Variants in TAF1B observed in about 807,000 individuals in gnomAD.
The protein encoded by TAF1B is TATA-box binding protein associated factor, RNA polymerase I subunit B.
In TAF1B, 61 loss-of-function variants were observed where a neutral mutation model predicts 83.9. That is an observed-to-expected ratio of 0.73 (90% CI 0.59 to 0.90). The LOEUF is 0.90. TAF1B is among the 40% of genes least tolerant of loss of function. The pLI, the probability that TAF1B is intolerant of heterozygous loss-of-function variation, is 0.00. For missense variants in TAF1B, 625 were observed against 677.0 expected (o/e 0.92, Z 0.85); for synonymous variants, 221 against 224.6 (o/e 0.98, Z 0.14).
At chr2:9,882,674 C>T in intron 7 of TAF1B, 32 bp from the exon 8 acceptor site, 1 of 1,501,752 alleles carries the variant, frequency 6.7e-7, no homozygotes, top group Non-Finnish European at 9.1e-7. Context: ...GTATATAACT[C>T]TCATTAAACC....
chr2:9,926,205 A>G (rs567291122), intron 14 of TAF1B, among the ~76,000 whole-genome samples: 15 of 152,322 alleles, frequency 9.8e-5, no homozygotes, highest in Admixed American at 3.9e-4. Flanking sequence ...TTAATCAGAT[A>G]TAAAAAATTA....
chr2:9,903,347 A>G (rs1665241716), intron 8 of TAF1B, among the ~76,000 whole-genome samples: 1 of 152,152 alleles, frequency 6.6e-6, no homozygotes, highest in Admixed American at 6.6e-5. Context: ...GGCCTCCCAA[A>G]GTGCTGGGAT....
intron 8 of TAF1B, among the ~76,000 whole-genome samples, chr2:9,888,436 A>G (rs572769731): frequency 6.6e-6 from 1 of 152,228 alleles, no homozygotes; most frequent in Admixed American, 6.5e-5. Flanking sequence ...ATTTCTGTCT[A>G]AAAAACGTCC....
At chr2:9,904,722 T>G in intron 8 of TAF1B, 137 bp from the exon 9 acceptor site, 1 of 810,422 alleles carries the variant, frequency 1.2e-6, no homozygotes, top group Non-Finnish European at 1.9e-6. Flanking sequence ...TGCATAAGTG[T>G]TCCTTTTTCT....
At chr2:9,880,873 C>G (rs1348831649) in intron 7 of TAF1B, among the ~76,000 whole-genome samples, 20 of 151,928 alleles carry the variant, frequency 1.3e-4, no homozygotes, top group Admixed American at 1.3e-3. Context: ...AATATTAAAC[C>G]AAAAATATAA....
chr2:9,923,535 T>C (rs12623217), intron 14 of TAF1B, among the ~76,000 whole-genome samples: 77,289 of 151,742 alleles, frequency 0.51, 22,725 homozygotes, highest in Non-Finnish European at 0.67. Flanking sequence ...CAAAATTAGC[T>C]GGATGTGGTG....
At chr2:9,875,101 A>G (rs961637618) in intron 6 of TAF1B, among the ~76,000 whole-genome samples, 3 of 152,078 alleles carry the variant, frequency 2.0e-5, no homozygotes, top group Middle Eastern at 6.8e-3. Context: ...AGCTGGGATT[A>G]CAGGCGTCCA....
chr2:9,868,428 A>G lies in TAF1B; in HGVS notation c.552A>G (p.Ser184=), dbSNP rs1572231245. 1.4e-5 allele frequency: 22 copies of G among 1,610,112 alleles called. No homozygotes were observed. Among genetic ancestry groups the G allele is most frequent in the Non-Finnish European group, 1.9e-5 (22 of 1,177,950 alleles). ...KPFPVSKASQ[S]ETSVCSGSLD... ...TCCCCGTCAGCAAAGCATCACAATC[A>G]GGTAAAAATGAGAACCAAACCATTT... The change falls in exon 6 of 15, where the codon TCA becomes TCG. Residue 184 remains serine (S), a splice_region_variant and synonymous_variant. Transcript: ENST00000263663.
intron 9 of TAF1B, 64 bp from the exon 10 acceptor site, chr2:9,910,672 G>A (rs1665500143): frequency 7.2e-7 from 1 of 1,384,592 alleles, no homozygotes; most frequent in Admixed American, 2.2e-5. Flanking sequence ...GTTATTTTAT[G>A]GATATATACA....
chr2:9,904,725 C>T, intron 8 of TAF1B, 134 bp from the exon 9 acceptor site: 3 of 869,302 alleles, frequency 3.5e-6, no homozygotes, highest in Non-Finnish European at 5.2e-6. Context: ...ATAAGTGTTC[C>T]TTTTTCTGCA....
intron 8 of TAF1B, among the ~76,000 whole-genome samples, chr2:9,885,359 T>C (rs370107985): frequency 1.3e-5 from 2 of 152,154 alleles, no homozygotes; most frequent in Admixed American, 1.3e-4. Context: ...ATGACACAAA[T>C]AGAAGGTGAC....
At chr2:9,922,886 A>G (rs1193607015) in intron 14 of TAF1B, among the ~76,000 whole-genome samples, 1 of 152,230 alleles carries the variant, frequency 6.6e-6, no homozygotes, top group Non-Finnish European at 1.5e-5. Context: ...TCACATAGTA[A>G]GTACTCAATC....
intron 13 of TAF1B, 36 bp downstream of exon 13, chr2:9,919,147 A>T (rs762333472): frequency 3.9e-6 from 6 of 1,535,338 alleles, no homozygotes; most frequent in Non-Finnish European, 4.5e-6. Flanking sequence ...ACCAAGTAGC[A>T]ACACAGTTGT....
At position 9,875,899 on chromosome 2, in the gene TAF1B, T is replaced by G. The variant is rs753194848; in HGVS notation, c.588T>G (p.Val196=). 1.2e-4 allele frequency: 197 copies of G among 1,611,930 alleles called. No homozygotes were observed. In the Admixed American group the frequency reaches 3.2e-3, roughly 26 times the overall value. The change falls in exon 7 of 15, where the codon GTT becomes GTG. Residue 196 remains valine (V), a synonymous_variant. Coordinates refer to ENST00000263663, the MANE Select transcript of TAF1B (RefSeq NM_005680.3). ...TSVCSGSLDG[V]EYSQRKEKGI... ...TCTGCTCTGGATCTCTGGATGGAGTTGAATACTCACAACGAAAGGAGAAGG... is the reference window on the plus strand; with the variant it reads ...TCTGCTCTGGATCTCTGGATGGAGTGGAATACTCACAACGAAAGGAGAAGG...
At chr2:9,894,309 A>G (rs1664956504) in intron 8 of TAF1B, among the ~76,000 whole-genome samples, 1 of 152,178 alleles carries the variant, frequency 6.6e-6, no homozygotes, top group Non-Finnish European at 1.5e-5. Context: ...GGAAATTTCT[A>G]GACTGCTTCT....
chr2:9,867,761 G>C (rs1468814877), intron 5 of TAF1B, among the ~76,000 whole-genome samples: 1 of 152,184 alleles, frequency 6.6e-6, no homozygotes, highest in African/African-American at 2.4e-5. Flanking sequence ...TTGATTACAT[G>C]TTACAAATCG....
rs190160949 is a variant in TAF1B at position 9,849,267 on chromosome 2, C to G, written c.118-106C>G. On this transcript the variant is annotated intron_variant, in intron 2 of 14. Coordinates refer to ENST00000263663, the MANE Select transcript of TAF1B (RefSeq NM_005680.3). ...TCCCAAGATTTTACCATCCTTGGTCCTGGCACTCACAATTTGGTTTATTAT... is the reference window on the plus strand; with the variant it reads ...TCCCAAGATTTTACCATCCTTGGTCGTGGCACTCACAATTTGGTTTATTAT... 1.2e-3 allele frequency: 858 copies of G among 735,210 alleles called. 2 individuals carry two copies. Among genetic ancestry groups the G allele is most frequent in the Middle Eastern group, 4.5e-3 (19 of 4,224 alleles). The allele number at this position is 735,210 out of a possible 1,614,324, so 45.5% of individuals were successfully genotyped here.
At chr2:9,846,317 G>A in intron 2 of TAF1B, 1 of 338,772 alleles carries the variant, frequency 3.0e-6, no homozygotes, top group South Asian at 2.4e-5. Context: ...TCCTATTGTG[G>A]TGAACACACC....
intron 6 of TAF1B, among the ~76,000 whole-genome samples, chr2:9,873,620 A>AT (rs540990898): frequency 0.014 from 1,635 of 117,548 alleles, 15 homozygotes; most frequent in African/African-American, 0.017. Flanking sequence ...ATCAAACTGG[A>AT]TTTTTTTTTT....
Sources: gnomAD v4.1 joint callset for allele counts (sites outside exome capture counted in the v4.1 genomes callset) on GRCh38, gnomAD v4.1.1 for gene constraint, MANE v1.5 for transcripts, NCBI Gene and HGNC (gene_info 2026-07-23, HGNC 2026-07-21) for gene names.